The following SEPTIN6 variants were observed in gnomAD, a reference collection of about 807,000 sequenced individuals.
SEPTIN6 encodes the protein septin 6, also known as septin-6.
A neutral mutation model predicts 33.6 loss-of-function variants in SEPTIN6; 8 were observed. The observed-to-expected ratio is 0.24, with a 90% CI of 0.14 to 0.43. The LOEUF is 0.43. SEPTIN6 is among the 20% of genes least tolerant of loss of function. The probability of loss-of-function intolerance (pLI) is 1.00; values close to 1 mark genes in which losing one functional copy is unlikely to be tolerated. For missense variants in SEPTIN6, 250 were observed against 340.8 expected (o/e 0.73, Z 2.10); for synonymous variants, 131 against 140.0 (o/e 0.94, Z 0.45).
At chrX:119,688,219 C>T (rs1049692145) in intron 1 of SEPTIN6, among the ~76,000 whole-genome samples, 13 of 112,042 alleles carry the variant, frequency 1.2e-4, no homozygotes, top group Admixed American at 3.8e-4. Flanking sequence ...GGAAGCCCTT[C>T]CTGTCACCCT....
At chrX:119,626,688 G>A (rs1227297410) in intron 9 of SEPTIN6, among the ~76,000 whole-genome samples, 2 of 110,412 alleles carry the variant, frequency 1.8e-5, no homozygotes, top group African/African-American at 6.6e-5. Flanking sequence ...AATTGGTGAA[G>A]ATGTTCTTTT....
chrX:119,634,339 A>G (rs1046038841), intron 7 of SEPTIN6, among the ~76,000 whole-genome samples: 3 of 104,902 alleles, frequency 2.9e-5, no homozygotes, highest in African/African-American at 1.1e-4. Context: ...ACTGCACTCC[A>G]GCCTGTGTGA....
intron 2 of SEPTIN6, among the ~76,000 whole-genome samples, chrX:119,674,845 G>A (rs2054815688): frequency 9.0e-6 from 1 of 111,620 alleles, no homozygotes; most frequent in Admixed American, 9.6e-5. Flanking sequence ...AGATATTACC[G>A]CACTCTACTT....
chrX:119,621,820 A>G (rs1353763105), intron 10 of SEPTIN6, among the ~76,000 whole-genome samples: 17 of 101,030 alleles, frequency 1.7e-4, no homozygotes, highest in African/African-American at 6.1e-4. Context: ...AAAAAAAAAT[A>G]GAGAGATAGG....
intron 5 of SEPTIN6, among the ~76,000 whole-genome samples, chrX:119,646,142 C>T (rs777080914): frequency 9.0e-6 from 1 of 111,616 alleles, no homozygotes; most frequent in Non-Finnish European, 1.9e-5. Flanking sequence ...TGTTAGTCCC[C>T]ATTTCAGGCC....
At position 119,618,028 on chromosome X, in the gene SEPTIN6, T is replaced by A; in HGVS notation, c.*2065A>T. On this transcript the variant is annotated 3_prime_UTR_variant, in exon 11 of 11. Transcript: ENST00000394610. ...AAGTGGTGGTTACCGGTTGGTTGTTTAAGCGTGAATTTCTGGGAAAGCAGC... is the reference window on the plus strand; with the variant it reads ...AAGTGGTGGTTACCGGTTGGTTGTTAAAGCGTGAATTTCTGGGAAAGCAGC... 1 of 806,536 alleles carries A rather than the reference T, an allele frequency of 1.2e-6. No homozygotes were observed. Among genetic ancestry groups the A allele is most frequent in the Non-Finnish European group, 1.5e-6 (1 of 671,506 alleles). 66.5% of individuals were successfully genotyped at this position (806,536 alleles called of 1,213,427 possible).
At chrX:119,626,902 G>A (rs55906340) in intron 9 of SEPTIN6, among the ~76,000 whole-genome samples, 4,016 of 110,889 alleles carry the variant, frequency 0.036, 74 homozygotes, top group Non-Finnish European at 0.059. Flanking sequence ...GCCCAGGCTG[G>A]TCTCAAACTC....
At chrX:119,626,346 T>C (rs947339360) in intron 9 of SEPTIN6, among the ~76,000 whole-genome samples, 8 of 111,838 alleles carry the variant, frequency 7.2e-5, no homozygotes, top group African/African-American at 9.8e-5. Context: ...ATATTTATAG[T>C]TTCATTGTAG....
chrX:119,691,226 T>C (rs2055167215), intron 1 of SEPTIN6, among the ~76,000 whole-genome samples: 1 of 111,873 alleles, frequency 8.9e-6, no homozygotes, highest in African/African-American at 3.3e-5. Context: ...CACAACCTTC[T>C]GGAATGTTCC....
intron 10 of SEPTIN6, among the ~76,000 whole-genome samples, chrX:119,623,845 A>G (rs1424903680): frequency 1.8e-5 from 2 of 112,122 alleles, no homozygotes; most frequent in African/African-American, 6.5e-5. Context: ...TCTCAAAAAA[A>G]GAAACAAACA....
intron 6 of SEPTIN6, among the ~76,000 whole-genome samples, chrX:119,640,277 C>T (rs1263011862): frequency 9.3e-6 from 1 of 107,569 alleles, no homozygotes. Context: ...CCTCGGCCTC[C>T]CAAAGTGCTG....
At chrX:119,683,110 A>G (rs2054993362) in intron 1 of SEPTIN6, among the ~76,000 whole-genome samples, 1 of 111,977 alleles carries the variant, frequency 8.9e-6, no homozygotes, top group South Asian at 3.7e-4. Context: ...AAAATTAGCC[A>G]GGCTTGGTGG....
At chrX:119,671,291 T>C (rs1450549776) in intron 2 of SEPTIN6, among the ~76,000 whole-genome samples, 1 of 79,032 alleles carries the variant, frequency 1.3e-5, no homozygotes, top group Non-Finnish European at 2.7e-5. Context: ...ACACAATAAG[T>C]TTTTTTTTTT....
intron 5 of SEPTIN6, among the ~76,000 whole-genome samples, chrX:119,644,631 G>T (rs1422413227): frequency 9.0e-6 from 1 of 110,540 alleles, no homozygotes; most frequent in Non-Finnish European, 1.9e-5. Flanking sequence ...GGTGGATCAC[G>T]AGGTCAGGAG....
intron 5 of SEPTIN6, among the ~76,000 whole-genome samples, chrX:119,644,581 G>GCCTGTAAT (rs1296605665): frequency 9.0e-6 from 1 of 111,263 alleles, no homozygotes; most frequent in African/African-American, 3.3e-5. Flanking sequence ...AGGTGTGGTG[G>GCCTGTAAT]CTCACGCCTG....
intron 7 of SEPTIN6, 22 bp downstream of exon 7, chrX:119,637,005 G>C: frequency 8.3e-7 from 1 of 1,202,161 alleles, no homozygotes; most frequent in Non-Finnish European, 1.1e-6. Context: ...GCTGGGCTGG[G>C]CTGGGCTGGC....
chrX:119,616,796 ACATT>A, downstream of SEPTIN6: 1 of 1,113,665 alleles, frequency 9.0e-7, no homozygotes, highest in Non-Finnish European at 1.2e-6. Flanking sequence ...AAGAAAGAGG[ACATT>A]CAAAGTAAGA....
At chrX:119,688,248 G>A (rs2055092954) in intron 1 of SEPTIN6, among the ~76,000 whole-genome samples, 1 of 111,706 alleles carries the variant, frequency 9.0e-6, no homozygotes, top group Non-Finnish European at 1.9e-5. Context: ...ATTCATTGCT[G>A]AGTTAGGTTC....
At chrX:119,644,054 C>A (rs2147509617) in intron 5 of SEPTIN6, among the ~76,000 whole-genome samples, 1 of 111,586 alleles carries the variant, frequency 9.0e-6, no homozygotes, top group East Asian at 2.8e-4. Context: ...CAATGGGATC[C>A]AAATCTGAGG....
Sources: allele counts gnomAD v4.1 joint callset (sites outside exome capture counted in the v4.1 genomes callset), GRCh38; gene constraint gnomAD v4.1.1; transcripts MANE v1.5; gene names NCBI Gene and HGNC (gene_info 2026-07-23, HGNC 2026-07-21).